DNAAF9: variants seen among roughly 807,000 people sequenced by gnomAD.
DNAAF9 encodes shulin.
Under a neutral mutation model 167.0 loss-of-function variants are expected in DNAAF9, and 90 were observed. That is an observed-to-expected ratio of 0.54 (90% CI 0.45 to 0.64). The LOEUF (loss-of-function observed/expected upper bound fraction) is 0.64, where lower values mean the gene tolerates loss of function less well. Among genes scored for constraint, DNAAF9 ranks in the 30% least tolerant of loss-of-function variants. DNAAF9 has a pLI of 0.00. For synonymous variants in DNAAF9, 491 were observed against 508.8 expected, an observed-to-expected ratio of 0.96 and a Z score of 0.47; for missense variants, 1,315 against 1,442.2, an observed-to-expected ratio of 0.91 and a Z score of 1.43.
chr20:3,349,205 A>AAAAAAAAAAAAAC (rs2070261249), intron 7 of DNAAF9, among the ~76,000 whole-genome samples: 9 of 59,190 alleles, frequency 1.5e-4, no homozygotes, highest in African/African-American at 5.9e-4. Flanking sequence ...AAAAAAAAAC[A>AAAAAAAAAAAAAC]AAAAAAAAAA....
At chr20:3,296,813 C>T (rs1199361794) in intron 23 of DNAAF9, 48 bp downstream of exon 23, 5 of 1,217,128 alleles carry the variant, frequency 4.1e-6, no homozygotes, top group Middle Eastern at 3.8e-4. Flanking sequence ...AGAGAGCACA[C>T]CCACAAAGCC....
At position 3,294,206 on chromosome 20, in the gene DNAAF9, C is replaced by T. The variant is rs149733245; in HGVS notation, c.2171G>A (p.Arg724Gln). ...CTGCAGCAGCACAGGAAGATGGGTC[C>T]GCATCACAGGCTCCTGGCTAATGCT... is the stretch of plus-strand genomic sequence containing the variant. ...ISSISQEPVM[R>Q]THLPVLLQQA... The change falls in exon 25 of 37, where the codon CGG (arginine) becomes CAG (glutamine). Residue 724 changes from arginine to glutamine, a missense_variant. Around this residue, in one of 2 missense-constraint regions of DNAAF9, gnomAD observed 981 missense variants for 1,012.5 expected, o/e 0.97. Coordinates refer to ENST00000252032, the MANE Select transcript of DNAAF9 (RefSeq NM_001009984.3). The T allele has an allele frequency of 5.9e-4, 949 of 1,613,380 alleles. 9 individuals carry two copies. The African/African-American group carries it at 0.011, about 18-fold the overall frequency.
intron 9 of DNAAF9, among the ~76,000 whole-genome samples, chr20:3,342,035 C>T (rs899359753): frequency 1.3e-5 from 2 of 152,140 alleles, no homozygotes; most frequent in Non-Finnish European, 2.9e-5. Flanking sequence ...CCTCGGCCTC[C>T]CAGGTGATAA....
intron 20 of DNAAF9, among the ~76,000 whole-genome samples, chr20:3,312,951 C>T (rs2069440263): frequency 1.3e-5 from 2 of 152,200 alleles, no homozygotes; most frequent in Non-Finnish European, 1.5e-5. Context: ...ACTAATAAGC[C>T]TCCAGAAATC....
intron 27 of DNAAF9, among the ~76,000 whole-genome samples, chr20:3,286,644 T>G (rs1399210874): frequency 2.6e-5 from 4 of 152,076 alleles, no homozygotes; most frequent in Non-Finnish European, 5.9e-5. Context: ...GGAGGCAAGG[T>G]ATGAGAACAA....
At chr20:3,296,500 C>T (rs1226176692) in intron 23 of DNAAF9, 1 of 292,232 alleles carries the variant, frequency 3.4e-6, no homozygotes, top group Non-Finnish European at 6.5e-6. Context: ...ACCCCGGCCT[C>T]CTGACTAGCT....
intron 1 of DNAAF9, 40 bp downstream of exon 1, chr20:3,407,435 C>T (rs1203708186): frequency 7.8e-7 from 1 of 1,276,784 alleles, no homozygotes; most frequent in South Asian, 2.6e-5. Context: ...AGCCCGCATC[C>T]CCCGCCCGGC....
chr20:3,301,191 T>C (rs2069181332), intron 21 of DNAAF9, among the ~76,000 whole-genome samples: 1 of 150,762 alleles, frequency 6.6e-6, no homozygotes, highest in Non-Finnish European at 1.5e-5. Context: ...TTTTTTTTTT[T>C]TTTTTCTTTT....
intron 1 of DNAAF9, among the ~76,000 whole-genome samples, chr20:3,406,594 C>G (rs1037375087): frequency 6.6e-6 from 1 of 152,146 alleles, no homozygotes; most frequent in Non-Finnish European, 1.5e-5. Context: ...CAGCACCAAA[C>G]GCATAGGGCA....
intron 11 of DNAAF9, among the ~76,000 whole-genome samples, 171 bp from the exon 12 acceptor site, chr20:3,330,853 G>A (rs561650795): frequency 1.3e-5 from 2 of 150,568 alleles, no homozygotes; most frequent in African/African-American, 2.4e-5. Context: ...GTGCAGTGGC[G>A]TAATCTCGGC....
intron 7 of DNAAF9, among the ~76,000 whole-genome samples, chr20:3,349,910 G>A (rs1600835690): frequency 6.6e-6 from 1 of 151,956 alleles, no homozygotes; most frequent in East Asian, 1.9e-4. Context: ...TATGTTAGTC[G>A]CCCAGTCTAG....
chr20:3,385,215 C>A (rs767232103), intron 1 of DNAAF9, among the ~76,000 whole-genome samples: 1 of 151,580 alleles, frequency 6.6e-6, no homozygotes, highest in Non-Finnish European at 1.5e-5. Context: ...GAAGTTCTAG[C>A]CAACAGAATA....
chr20:3,362,480 C>T (rs949530317), intron 6 of DNAAF9, among the ~76,000 whole-genome samples: 1 of 151,354 alleles, frequency 6.6e-6, no homozygotes, highest in African/African-American at 2.4e-5. Context: ...ATTTTTTTCA[C>T]CTGTATAATT....
At chr20:3,329,820 T>C (rs1184872754) in intron 12 of DNAAF9, among the ~76,000 whole-genome samples, 2 of 152,212 alleles carry the variant, frequency 1.3e-5, no homozygotes, top group Admixed American at 6.5e-5. Context: ...ATTTAATAGT[T>C]TCAGCACTAA....
chr20:3,369,407 C>T (rs1373599582), intron 6 of DNAAF9, among the ~76,000 whole-genome samples: 2 of 150,034 alleles, frequency 1.3e-5, no homozygotes, highest in Non-Finnish European at 3.0e-5. Flanking sequence ...GATGGAGTCT[C>T]GCTCTTTCGC....
intron 1 of DNAAF9, among the ~76,000 whole-genome samples, chr20:3,384,649 C>T (rs956801401): frequency 1.3e-5 from 2 of 151,388 alleles, no homozygotes; most frequent in Non-Finnish European, 2.9e-5. Context: ...GCTGGGATTA[C>T]AGGCATGCAC....
Position 3,332,349 on chromosome 20 carries a change from C to T in DNAAF9, c.994G>A (p.Val332Ile), listed in dbSNP as rs1189521357. Residue 332 changes from valine to isoleucine, a missense_variant, in exon 11 of 37, where the codon GTC becomes ATC. Coordinates refer to ENST00000252032, the MANE Select transcript of DNAAF9 (RefSeq NM_001009984.3). ...CAAGCAAGAGGTCCCTTTGGTGAGACACACTGGGCTACCTGGATGTCAGAA... is the reference window on the plus strand; with the variant it reads ...CAAGCAAGAGGTCCCTTTGGTGAGATACACTGGGCTACCTGGATGTCAGAA... ...SFAKHMVAQC[V>I]SPKGPLACSR... 1.9e-6 allele frequency: 3 copies of T among 1,597,272 alleles called. No homozygotes were observed. Among genetic ancestry groups the T allele is most frequent in the Non-Finnish European group, 2.6e-6 (3 of 1,165,188 alleles).
chr20:3,303,013 TG>T (rs2069218708), intron 21 of DNAAF9, among the ~76,000 whole-genome samples: 1 of 151,860 alleles, frequency 6.6e-6, no homozygotes, highest in African/African-American at 2.4e-5. Context: ...CCGAGGTGAG[TG>T]GATCACGAGG....
intron 8 of DNAAF9, among the ~76,000 whole-genome samples, chr20:3,344,771 CAT>C (rs2070161897): frequency 6.6e-6 from 1 of 152,100 alleles, no homozygotes; most frequent in Non-Finnish European, 1.5e-5. Flanking sequence ...TATCCATGTA[CAT>C]GTCTACCTAC....
Sources: gnomAD v4.1 joint callset for allele counts (sites outside exome capture counted in the v4.1 genomes callset) on GRCh38, gnomAD v4.1.1 for gene constraint, gnomAD v4.1.1 regional missense constraint, MANE v1.5 for transcripts, NCBI Gene and HGNC (gene_info 2026-07-23, HGNC 2026-07-21) for gene names.